The following TUSC3 variants were observed in gnomAD, a reference collection of about 807,000 sequenced individuals.
TUSC3 encodes dolichyl-diphosphooligosaccharide--protein glycosyltransferase subunit TUSC3.
In TUSC3, 45 loss-of-function variants were observed where a neutral mutation model predicts 44.8. That is an observed-to-expected ratio of 1.00 (90% CI 0.79 to 1.29). TUSC3 has a LOEUF of 1.29. TUSC3 is among the 50% of genes most tolerant of loss of function. TUSC3 has a pLI of 0.00. For synonymous variants in TUSC3, 212 were observed against 152.9 expected (o/e 1.39, Z -2.85); for missense variants, 519 against 437.9 (o/e 1.19, Z -1.65).
chr8:15,595,586 G>C (rs533885497), intron 1 of TUSC3, among the ~76,000 whole-genome samples: 8 of 152,102 alleles, frequency 5.3e-5, no homozygotes, highest in Non-Finnish European at 7.4e-5. Flanking sequence ...TTGTTTGTTT[G>C]TTTCAGGCGG....
At chr8:15,776,636 T>C in the TUSC3 span, among the ~76,000 whole-genome samples, 7 of 152,322 alleles carry the variant, frequency 4.6e-5, no homozygotes, top group African/African-American at 1.7e-4. Flanking sequence ...AATCAATTTT[T>C]ACATTCTTTT....
At chr8:15,424,532 C>G (rs967952565) in intron 1 of TUSC3, among the ~76,000 whole-genome samples, 1 of 152,150 alleles carries the variant, frequency 6.6e-6, no homozygotes, top group East Asian at 1.9e-4. Flanking sequence ...CATCTGCCCA[C>G]CGCAGCAGAC....
the TUSC3 span, among the ~76,000 whole-genome samples, chr8:15,825,572 T>A: frequency 2.0e-5 from 3 of 152,106 alleles, no homozygotes; most frequent in Admixed American, 6.6e-5. Context: ...CCAAACTATA[T>A]CAGACTGGCA....
At chr8:15,523,197 C>G (rs192132409) in intron 2 of TUSC3, among the ~76,000 whole-genome samples, 185 of 152,214 alleles carry the variant, frequency 1.2e-3, no homozygotes, top group African/African-American at 4.3e-3. Context: ...ATCCACTGCA[C>G]CAGTGAGTGA....
intron 1 of TUSC3, among the ~76,000 whole-genome samples, chr8:15,428,666 C>G (rs1414763916): frequency 2.0e-5 from 3 of 152,196 alleles, no homozygotes; most frequent in Non-Finnish European, 4.4e-5. Flanking sequence ...GCCATTCTAA[C>G]TGGTGTGAGA....
At chr8:15,755,168 C>T (rs188521096) in intron 9 of TUSC3, among the ~76,000 whole-genome samples, 4 of 152,230 alleles carry the variant, frequency 2.6e-5, no homozygotes, top group Admixed American at 2.6e-4. Context: ...GAATACCCAG[C>T]CTGCTCGTTA....
intron 1 of TUSC3, among the ~76,000 whole-genome samples, chr8:15,453,568 A>G (rs1486298676): frequency 1.3e-5 from 2 of 152,230 alleles, no homozygotes; most frequent in African/African-American, 4.8e-5. Flanking sequence ...CTGCAGTTTC[A>G]TTAGCGATGA....
chr8:15,736,030 A>G (rs1810924387), intron 7 of TUSC3, among the ~76,000 whole-genome samples: 1 of 151,898 alleles, frequency 6.6e-6, no homozygotes, highest in Non-Finnish European at 1.5e-5. Flanking sequence ...GCCCGGCGAT[A>G]TTTCTTTAGT....
At chr8:15,465,929 A>G (rs1472762918) in intron 1 of TUSC3, among the ~76,000 whole-genome samples, 1 of 152,190 alleles carries the variant, frequency 6.6e-6, no homozygotes, top group East Asian at 1.9e-4. Context: ...TCATCGTGAT[A>G]TACTCAGGGA....
chr8:15,709,609 G>GGAT (rs1423868853), intron 6 of TUSC3, among the ~76,000 whole-genome samples: 1 of 151,724 alleles, frequency 6.6e-6, no homozygotes, highest in Non-Finnish European at 1.5e-5. Context: ...GTGAAAATGT[G>GGAT]GATGATGAGG....
intron 5 of TUSC3, among the ~76,000 whole-genome samples, chr8:15,669,879 C>G (rs1045546796): frequency 6.6e-6 from 1 of 151,444 alleles, no homozygotes; most frequent in South Asian, 2.1e-4. Flanking sequence ...TAAAATTGCC[C>G]TCCTTAGCAG....
chr8:15,458,913 A>G (rs138891754), intron 1 of TUSC3, among the ~76,000 whole-genome samples: 4 of 152,320 alleles, frequency 2.6e-5, no homozygotes, highest in South Asian at 2.1e-4. Context: ...TTGAAAGGCC[A>G]TTCTAAATCC....
chr8:15,750,690 C>T (rs755278077), intron 9 of TUSC3, among the ~76,000 whole-genome samples: 11 of 151,976 alleles, frequency 7.2e-5, no homozygotes, highest in Non-Finnish European at 1.5e-4. Flanking sequence ...ATAGTAAGCA[C>T]ATCTGAACCA....
chr8:15,480,572 T>G (rs1800644726), intron 1 of TUSC3, among the ~76,000 whole-genome samples: 1 of 152,200 alleles, frequency 6.6e-6, no homozygotes, highest in Non-Finnish European at 1.5e-5. Context: ...TGATTTTTTA[T>G]TGTAAAAATT....
At position 15,748,377 on chromosome 8, in the gene TUSC3, A is replaced by C. The variant is rs1428945208; in HGVS notation, c.940A>C (p.Ile314Leu). ...SKGDVGKRRIICLVGLGLVVF... is the reference protein window; with the variant it reads ...SKGDVGKRRILCLVGLGLVVF... ...TGGTATTTTCTGTCTGTTTCTAGTA[A>C]TTTGCCTAGTGGGATTGGGCCTGGT... The change falls in exon 9 of 11, where the codon ATT (isoleucine) becomes CTT (leucine). Residue 314 changes from isoleucine (I) to leucine (L), a missense_variant and splice_region_variant. By Grantham distance (5) the Ile-to-Leu change is conservative. Transcript: ENST00000503731. 2 of 1,612,436 alleles carry C rather than the reference A, an allele frequency of 1.2e-6. No individual in the cohort carries two copies. The highest frequency in any genetic ancestry group is 1.7e-6 in the Non-Finnish European group (2 of 1,178,766).
At chr8:15,555,498 T>C (rs73538439) in intron 1 of TUSC3, among the ~76,000 whole-genome samples, 2,471 of 150,948 alleles carry the variant, frequency 0.016, 65 homozygotes, top group African/African-American at 0.055. Flanking sequence ...TCTCCCTGTG[T>C]TGTACAGGAT....
At chr8:15,570,684 A>G (rs577359398) in intron 1 of TUSC3, among the ~76,000 whole-genome samples, 24 of 152,134 alleles carry the variant, frequency 1.6e-4, no homozygotes, top group African/African-American at 5.3e-4. Context: ...ATTTTATTGT[A>G]TAGGTGAACT....
Position 15,477,208 on chromosome 8 carries a change from C to T in TUSC3, n.92-6178C>T, listed in dbSNP as rs1161673779. On this transcript the variant is annotated intron_variant and non_coding_transcript_variant, in intron 1 of 5. Coordinates refer to the TUSC3 transcript ENST00000503191. ...TTCCCTGACTCCAGACCCTATTCTC[C>T]TGCCTCAATTCCATTGACCAAATTC... 2.6e-5 allele frequency among the ~76,000 whole-genome samples: 4 copies of T among 152,148 alleles called. No individual in the cohort carries two copies. In the East Asian group the frequency reaches 7.7e-4, roughly 29 times the overall value.
intron 2 of TUSC3, among the ~76,000 whole-genome samples, chr8:15,521,339 G>T (rs1801294443): frequency 6.6e-6 from 1 of 152,078 alleles, no homozygotes; most frequent in African/African-American, 2.4e-5. Context: ...TAACTAACCT[G>T]GTGGGGGACC....
Sources: allele counts gnomAD v4.1 joint callset (sites outside exome capture counted in the v4.1 genomes callset), GRCh38; gene constraint gnomAD v4.1.1; transcripts MANE v1.5; gene names NCBI Gene and HGNC (gene_info 2026-07-23, HGNC 2026-07-21).